Variants in TSNARE1 observed in about 807,000 individuals in gnomAD.
The protein encoded by TSNARE1 is t-SNARE domain containing 1.
In TSNARE1, 49 loss-of-function variants were observed where a neutral mutation model predicts 62.0. That is an observed-to-expected ratio of 0.79 (90% confidence interval 0.63 to 1.00). The LOEUF is 1.00. Ranked by LOEUF, TSNARE1 falls within the 50% of genes least tolerant of loss-of-function variation. The pLI is 0.00. For missense variants in TSNARE1, 755 were observed against 700.1 expected (o/e 1.08, Z -0.88); for synonymous variants, 328 against 294.4 (o/e 1.11, Z -1.17).
At chr8:142,393,743 G>A (rs928566367) in intron 1 of TSNARE1, among the ~76,000 whole-genome samples, 1 of 152,186 alleles carries the variant, frequency 6.6e-6, no homozygotes, top group African/African-American at 2.4e-5. Context: ...TGCAGATAGG[G>A]AAGCCCAGGA....
chr8:142,225,837 G>A (rs964613904), intron 13 of TSNARE1, among the ~76,000 whole-genome samples: 1 of 152,238 alleles, frequency 6.6e-6, no homozygotes, highest in Non-Finnish European at 1.5e-5. Flanking sequence ...ACAGCCATGT[G>A]TTCTCTCATA....
intron 9 of TSNARE1, among the ~76,000 whole-genome samples, chr8:142,301,875 G>A (rs954952795): frequency 3.3e-5 from 5 of 152,210 alleles, no homozygotes; most frequent in African/African-American, 9.6e-5. Context: ...CTGGCACCAT[G>A]CTAAATCAGG....
chr8:142,251,114 C>T (rs1418180006), intron 12 of TSNARE1, among the ~76,000 whole-genome samples: 1 of 152,118 alleles, frequency 6.6e-6, no homozygotes, highest in Non-Finnish European at 1.5e-5. Context: ...ATGCTGAGGC[C>T]CAGAGTCACC....
intron 12 of TSNARE1, chr8:142,274,500 C>T (rs1820102791): frequency 1.0e-6 from 1 of 985,480 alleles, no homozygotes; most frequent in Non-Finnish European, 1.2e-6. Flanking sequence ...GGGCCCTCCC[C>T]TCGGCTGCAC....
chr8:142,214,958 G>A (rs1032734672), intron 13 of TSNARE1, among the ~76,000 whole-genome samples: 3 of 152,150 alleles, frequency 2.0e-5, no homozygotes, highest in East Asian at 3.9e-4. Flanking sequence ...AGCTGATAAG[G>A]ACCCCTCACC....
chr8:142,315,711 A>G (rs2131634923), intron 7 of TSNARE1, among the ~76,000 whole-genome samples: 1 of 152,256 alleles, frequency 6.6e-6, no homozygotes, highest in East Asian at 1.9e-4. Flanking sequence ...CGTGGACACC[A>G]CCCACCAGCA....
At position 142,354,693 on chromosome 8, in the gene TSNARE1, C is replaced by G; in HGVS notation, c.32G>C (p.Gly11Ala). The G allele has an allele frequency of 6.2e-7, 1 of 1,613,708 alleles. No individual in the cohort carries two copies. The highest frequency in any genetic ancestry group is 8.5e-7 in the Non-Finnish European group (1 of 1,179,856). ...CCCGAAAGGGCCACGGCTCCCCAGG[C>G]CACCTCCACGGGCGATGGATCCGTA... MSYGSIARGG[G>A]LGSRGPFGGP... Residue 11 changes from glycine (G) to alanine (A), a missense_variant, in exon 2 of 14, where the codon GGC becomes GCC. Transcript: ENST00000524325.
chr8:142,297,143 C>G (rs962294920), intron 10 of TSNARE1, among the ~76,000 whole-genome samples: 1 of 152,226 alleles, frequency 6.6e-6, no homozygotes, highest in African/African-American at 2.4e-5. Flanking sequence ...GGCCTAAAGC[C>G]AGGACAGCAT....
chr8:142,326,565 G>C (rs1449485194), intron 6 of TSNARE1, among the ~76,000 whole-genome samples: 4 of 141,040 alleles, frequency 2.8e-5, no homozygotes, highest in Non-Finnish European at 4.6e-5. Context: ...GCGAAGGGGA[G>C]GGCCCCGGAG....
intron 1 of TSNARE1, among the ~76,000 whole-genome samples, chr8:142,393,680 T>A (rs912523499): frequency 1.3e-5 from 2 of 152,176 alleles, no homozygotes; most frequent in Non-Finnish European, 2.9e-5. Context: ...CACCACCTCC[T>A]GGAGCAGAGG....
intron 6 of TSNARE1, among the ~76,000 whole-genome samples, chr8:142,327,160 C>T (rs774253319): frequency 2.6e-5 from 4 of 152,314 alleles, no homozygotes; most frequent in South Asian, 4.1e-4. Context: ...AAACACCTAC[C>T]GCAAACATTC....
intron 1 of TSNARE1, among the ~76,000 whole-genome samples, chr8:142,370,099 A>G (rs1178453332): frequency 6.6e-6 from 1 of 152,228 alleles, no homozygotes; most frequent in Non-Finnish European, 1.5e-5. Flanking sequence ...GTGAGGACAC[A>G]GATAGAAGGC....
At position 142,233,228 on chromosome 8, in the gene TSNARE1, T is replaced by C. The variant is rs117319432; in HGVS notation, c.1447-3649A>G. ...GTTAAATATCACTGTGTCTGGAGGA[T>C]GGGCAGGACAGGCCCGTGAGGCACG... On this transcript the variant is annotated intron_variant, in intron 12 of 13. Transcript: ENST00000524325. Among the ~76,000 whole-genome samples, 1,073 of 152,324 alleles carry C rather than the reference T, an allele frequency of 7.0e-3. 9 individuals are homozygous for C. The highest frequency in any genetic ancestry group is 0.011 in the Non-Finnish European group (765 of 68,024).
intron 11 of TSNARE1, chr8:142,275,251 A>G: frequency 1.0e-6 from 1 of 985,444 alleles, no homozygotes. Context: ...GAAGGGGCAA[A>G]GCCCCTGCCT....
chr8:142,300,335 T>G, intron 10 of TSNARE1, 151 bp downstream of exon 10: 4 of 794,176 alleles, frequency 5.0e-6, no homozygotes, highest in East Asian at 5.7e-5. Flanking sequence ...CAGAGAGAGG[T>G]GGTTAGAATG....
At chr8:142,241,273 G>A (rs1817658626) in intron 12 of TSNARE1, among the ~76,000 whole-genome samples, 2 of 152,112 alleles carry the variant, frequency 1.3e-5, no homozygotes. Flanking sequence ...ATTTACAATA[G>A]TATAAAAAAT....
chr8:142,333,737 C>T (rs1831374009), intron 4 of TSNARE1, among the ~76,000 whole-genome samples: 1 of 152,232 alleles, frequency 6.6e-6, no homozygotes, highest in Non-Finnish European at 1.5e-5. Context: ...GTCCTGGCCC[C>T]CTGCACACTT....
chr8:142,347,234 C>A (rs1266517630), intron 2 of TSNARE1, among the ~76,000 whole-genome samples: 2 of 152,228 alleles, frequency 1.3e-5, no homozygotes, highest in East Asian at 1.9e-4. Flanking sequence ...CAGAAGACAA[C>A]CCTCTGGAGG....
At chr8:142,248,767 G>T (rs1304463827) in intron 12 of TSNARE1, among the ~76,000 whole-genome samples, 1 of 152,178 alleles carries the variant, frequency 6.6e-6, no homozygotes, top group East Asian at 1.9e-4. Flanking sequence ...CCTGGCCCAC[G>T]GGGGCTCCAC....
Sources: gnomAD v4.1 joint callset for allele counts (sites outside exome capture counted in the v4.1 genomes callset) on GRCh38, gnomAD v4.1.1 for gene constraint, MANE v1.5 for transcripts, NCBI Gene and HGNC (gene_info 2026-07-23, HGNC 2026-07-21) for gene names.